The following PTP4A2 variants were observed in gnomAD, a reference collection of about 807,000 sequenced individuals.
PTP4A2 encodes protein tyrosine phosphatase type IVA 2.
In PTP4A2, 2 loss-of-function variants were observed where a neutral mutation model predicts 22.9. That is an observed-to-expected ratio of 0.09 (90% CI 0.04 to 0.27). The LOEUF (loss-of-function observed/expected upper bound fraction) is 0.27, where lower values mean the gene tolerates loss of function less well. PTP4A2 is among the 10% of genes least tolerant of loss of function. The pLI is 1.00. For missense variants in PTP4A2, 103 were observed against 205.1 expected (o/e 0.50, Z 3.04); for synonymous variants, 68 against 69.1 (o/e 0.98, Z 0.08).
intron 1 of PTP4A2, among the ~76,000 whole-genome samples, chr1:31,925,837 G>A (rs1455149348): frequency 4.6e-5 from 7 of 150,936 alleles, no homozygotes; most frequent in East Asian, 2.0e-4. Flanking sequence ...CAATTTTACC[G>A]GGCATCCTTT....
rs1167002913 is a variant in PTP4A2 at position 31,916,345 on chromosome 1, C to CAAA, written c.97-361_97-359dup. Among the ~76,000 whole-genome samples the CAAA allele has an allele frequency of 2.9e-3, 103 of 35,448 alleles. 5 individuals are homozygous for CAAA. The highest frequency in any genetic ancestry group is 0.017 in the Middle Eastern group (1 of 60). The allele number at this position is 35,448 out of a possible 152,430, so 23.3% of individuals were successfully genotyped here. ...GGGCGACAGAGCGAGACTCCGTCTC[C>CAAA]AAAAAAAAAAAAAAAAAAAAAAAAA... On this transcript the variant is annotated intron_variant, in intron 2 of 5. Transcript: ENST00000647444.
At chr1:31,910,835 A>T (rs1341963635) in intron 4 of PTP4A2, 3 of 152,216 alleles carry the variant, frequency 2.0e-5, no homozygotes, top group Non-Finnish European at 4.4e-5. Context: ...AAGGTGCTAG[A>T]CGTTTTCAAG....
chr1:31,933,746 C>A (rs887307222), intron 1 of PTP4A2: 1 of 151,826 alleles, frequency 6.6e-6, no homozygotes, highest in Non-Finnish European at 1.5e-5. Context: ...TAAAACAAAA[C>A]CCAACAACAA....
chr1:31,912,518 C>T (rs2124151470), intron 3 of PTP4A2, among the ~76,000 whole-genome samples: 2 of 152,298 alleles, frequency 1.3e-5, no homozygotes, highest in Admixed American at 1.3e-4. Context: ...TTTCTGTATT[C>T]ACCTATTTGG....
Position 31,911,789 on chromosome 1 carries a change from T to C in PTP4A2, c.227A>G (p.Gln76Arg), listed in dbSNP as rs1651546356. The change falls in exon 4 of 6, where the codon CAG (glutamine) becomes CGG (arginine). Residue 76 changes from glutamine to arginine, a missense_variant. Physicochemically the swap from Gln to Arg is conservative, Grantham distance 43. This residue lies in a region of PTP4A2 where 66 missense variants were observed against 113.0 expected (regional missense o/e 0.58). Transcript: ENST00000647444. ...PFDDGAPPPN[Q>R]IVDDWLNLLK... ...CAGGTTTAACCAATCATCTACTATC[T>C]GATTAGGGGGTGGAGCTCCATCATC... is the stretch of plus-strand genomic sequence containing the variant. The C allele has an allele frequency of 6.3e-7, 1 of 1,596,644 alleles. No individual in the cohort carries two copies. Among genetic ancestry groups the C allele is most frequent in the African/African-American group, 1.4e-5 (1 of 73,926 alleles).
intron 3 of PTP4A2, chr1:31,914,155 C>T: frequency 2.4e-6 from 1 of 409,276 alleles, no homozygotes; most frequent in South Asian, 1.8e-5. Flanking sequence ...CAGCCTTGAC[C>T]TCTCGGGTTC....
At chr1:31,922,284 G>A (rs182116388) in intron 1 of PTP4A2, among the ~76,000 whole-genome samples, 1 of 152,220 alleles carries the variant, frequency 6.6e-6, no homozygotes, top group Non-Finnish European at 1.5e-5. Flanking sequence ...AGGAGTTCAA[G>A]ACCAGCCTGA....
At chr1:31,922,426 G>A (rs967326287) in intron 1 of PTP4A2, among the ~76,000 whole-genome samples, 2 of 152,070 alleles carry the variant, frequency 1.3e-5, no homozygotes, top group African/African-American at 4.8e-5. Context: ...GAGGTTGCAG[G>A]GAGCCAAGAT....
intron 1 of PTP4A2, among the ~76,000 whole-genome samples, chr1:31,937,584 TCCC>T (rs934123683): frequency 1.5e-4 from 19 of 124,318 alleles, no homozygotes; most frequent in African/African-American, 3.7e-4. Flanking sequence ...AACTCTCTCC[TCCC>T]CCATTTACTC....
At chr1:31,936,903 G>C (rs189605322) in intron 1 of PTP4A2, among the ~76,000 whole-genome samples, 2 of 152,262 alleles carry the variant, frequency 1.3e-5, no homozygotes, top group East Asian at 3.9e-4. Context: ...GTAGTTTGGC[G>C]ACTCCGGACA....
At position 31,922,936 on chromosome 1, in the gene PTP4A2, C is replaced by CT. The variant is rs958616399; in HGVS notation, c.-593-3279dup. On this transcript the variant is annotated intron_variant, in intron 1 of 5. Transcript: ENST00000647444. ...CGTGCCCGGCCCAAATACTTTTTAT[C>CT]TTTTTTTTTTTTTGAGAGAGAGTCT... Among the ~76,000 whole-genome samples the CT allele has an allele frequency of 1.7e-3, 250 of 144,866 alleles. 1 individual carries two copies. The highest frequency in any genetic ancestry group is 1.8e-3 in the East Asian group (9 of 5,010).
At chr1:31,915,357 T>TTTTTTG (rs1223449046) in intron 3 of PTP4A2, among the ~76,000 whole-genome samples, 1 of 151,918 alleles carries the variant, frequency 6.6e-6, no homozygotes, top group Admixed American at 6.6e-5. Flanking sequence ...CTGCCAGGGT[T>TTTTTTG]TTTTTGTTTT....
intron 1 of PTP4A2, among the ~76,000 whole-genome samples, chr1:31,934,920 G>A (rs1652869805): frequency 6.6e-6 from 1 of 152,170 alleles, no homozygotes; most frequent in African/African-American, 2.4e-5. Flanking sequence ...CCGTTCAGCA[G>A]TTCAAAACTA....
At chr1:31,924,593 A>C (rs1467004176) in intron 1 of PTP4A2, among the ~76,000 whole-genome samples, 1 of 152,230 alleles carries the variant, frequency 6.6e-6, no homozygotes, top group African/African-American at 2.4e-5. Flanking sequence ...ATTCTCCTAA[A>C]GTTGTCTCTC....
intron 2 of PTP4A2, among the ~76,000 whole-genome samples, chr1:31,917,329 T>G (rs1651899955): frequency 6.6e-6 from 1 of 152,230 alleles, no homozygotes; most frequent in Non-Finnish European, 1.5e-5. Context: ...GGTCCATCAT[T>G]TAGTTATCTA....
chr1:31,937,325 AC>A (rs1652979069), intron 1 of PTP4A2, among the ~76,000 whole-genome samples: 1 of 151,892 alleles, frequency 6.6e-6, no homozygotes, highest in Admixed American at 6.6e-5. Context: ...GGAGACTTAT[AC>A]CCCCTTTCCT....
rs563428045 is a variant in PTP4A2 at position 31,916,296 on chromosome 1, G to C, written c.97-309C>G. 2.4e-5 allele frequency among the ~76,000 whole-genome samples: 3 copies of C among 126,298 alleles called. No individual in the cohort carries two copies. In the East Asian group the frequency reaches 7.8e-4, roughly 33 times the overall value. The allele number at this position is 126,298 out of a possible 152,430, so 82.9% of individuals were successfully genotyped here. A position where few individuals can be genotyped will look rare whatever the true frequency, so the allele number is the denominator to read the frequency against. On this transcript the variant is annotated intron_variant, in intron 2 of 5. Transcript: ENST00000647444. ...GGAGGCAGATATTGCAGTGAGCCGA[G>C]ATCGTGCCACTGCACTCCAGCCTGG...
intron 5 of PTP4A2, 83 bp from the exon 6 acceptor site, chr1:31,909,043 CCTTT>C (rs1440633314): frequency 4.1e-6 from 4 of 986,616 alleles, no homozygotes; most frequent in South Asian, 2.8e-5. Context: ...CATCCTAAAG[CCTTT>C]CTAATTCCAC....
chr1:31,920,536 C>CTTTT (rs35696767), intron 1 of PTP4A2, among the ~76,000 whole-genome samples: 1 of 130,226 alleles, frequency 7.7e-6, no homozygotes. Context: ...CTTCCATGAA[C>CTTTT]TTTTTTTTTT....
Sources: allele counts gnomAD v4.1 joint callset (sites outside exome capture counted in the v4.1 genomes callset), GRCh38; gene constraint gnomAD v4.1.1; regional missense constraint gnomAD v4.1.1; transcripts MANE v1.5; gene names NCBI Gene and HGNC (gene_info 2026-07-23, HGNC 2026-07-21).